AP5Z1: variants seen among roughly 807,000 people sequenced by gnomAD.
AP5Z1 encodes AP-5 complex subunit zeta-1.
Under a neutral mutation model 83.0 loss-of-function variants are expected in AP5Z1, and 106 were observed. The observed-to-expected ratio is 1.28, with a 90% CI of 1.09 to 1.50. The LOEUF is 1.50. AP5Z1 is among the 40% of genes most tolerant of loss of function. The probability of loss-of-function intolerance (pLI) is 0.00; values close to 1 mark genes in which losing one functional copy is unlikely to be tolerated. For synonymous variants in AP5Z1, 751 were observed against 514.1 expected, an observed-to-expected ratio of 1.46 and a Z score of -6.23; for missense variants, 1,565 against 1,094.2, an observed-to-expected ratio of 1.43 and a Z score of -6.07.
Position 4,792,688 on chromosome 7 carries a change from C to CG in AP5Z1, c.*1307dup, listed in dbSNP as rs1562417756. ...CGATGACAGCCCAGGGCCGCTGAGCCGGGGCCGCAGGAAAGGCTGGCGCTG... is the reference window on the plus strand; with the variant it reads ...CGATGACAGCCCAGGGCCGCTGAGCCGGGGGCCGCAGGAAAGGCTGGCGCTG... On this transcript the variant is annotated 3_prime_UTR_variant, in exon 17 of 17. Coordinates refer to ENST00000649063, the MANE Select transcript of AP5Z1 (RefSeq NM_014855.3). The CG allele has an allele frequency of 6.6e-6, 1 of 152,246 alleles. No homozygotes were observed. Among genetic ancestry groups the CG allele is most frequent in the East Asian group, 1.9e-4 (1 of 5,186 alleles). 9.4% of individuals were successfully genotyped at this position (152,246 alleles called of 1,614,324 possible).
Position 4,781,660 on chromosome 7 carries a change from G to A in AP5Z1, c.272G>A (p.Arg91Gln), listed in dbSNP as rs750211507. 44 of 1,605,228 alleles carry A rather than the reference G, an allele frequency of 2.7e-5. No individual in the cohort carries two copies. The highest frequency in any genetic ancestry group is 3.3e-5 in the Non-Finnish European group (39 of 1,173,716). Residue 91 changes from arginine to glutamine, a missense_variant, in exon 3 of 17, where the codon CGA (arginine) becomes CAA (glutamine). Transcript: ENST00000649063. ...CAGGTGCTTTGCGCCGCCATCCTGC[G>A]AGAGATGTCCCCCTCTGACAGCCTC... is the stretch of plus-strand genomic sequence containing the variant. ...QLQVLCAAIL[R>Q]EMSPSDSLSL... is the part of the protein sequence containing the mutation.
intron 7 of AP5Z1, 130 bp from the exon 8 acceptor site, chr7:4,785,285 A>C: frequency 1.3e-5 from 18 of 1,358,802 alleles, no homozygotes; most frequent in Non-Finnish European, 1.8e-5. Flanking sequence ...GTCCCACTCA[A>C]GTCCTCCTGG....
At position 4,791,428 on chromosome 7, in the gene AP5Z1, G is replaced by A. The variant is rs1781769642; in HGVS notation, c.*43G>A. 1.9e-6 allele frequency: 3 copies of A among 1,553,332 alleles called. No individual in the cohort carries two copies. Among genetic ancestry groups the A allele is most frequent in the Admixed American group, 1.9e-5 (1 of 54,008 alleles). On this transcript the variant is annotated 3_prime_UTR_variant, in exon 17 of 17. Coordinates refer to ENST00000649063, the MANE Select transcript of AP5Z1 (RefSeq NM_014855.3). ...ACTTCGGTGCAGATTAAGAGCCTGGGCAGCCAGCTTGCTACTGAGGCCAGG... is the reference window on the plus strand; with the variant it reads ...ACTTCGGTGCAGATTAAGAGCCTGGACAGCCAGCTTGCTACTGAGGCCAGG...
chr7:4,793,111 G>T lies in AP5Z1; in HGVS notation c.*1726G>T, dbSNP rs1399495475. 3 of 152,360 alleles carry T rather than the reference G, an allele frequency of 2.0e-5. No homozygotes were observed. The highest frequency in any genetic ancestry group is 1.3e-4 in the Admixed American group (2 of 15,284). 9.4% of individuals were successfully genotyped at this position (152,360 alleles called of 1,614,324 possible). On this transcript the variant is annotated 3_prime_UTR_variant, in exon 17 of 17. Transcript: ENST00000649063. ...CGGCTTAGGACTGGGAGTGTGACTT[G>T]AAGGGCCGTCCCGCTCATCCAAGGG...
chr7:4,788,668 G>A lies in AP5Z1; in HGVS notation c.1596-172G>A, dbSNP rs965500516. 18 of 591,518 alleles carry A rather than the reference G, an allele frequency of 3.0e-5. No individual in the cohort carries two copies. In the Admixed American group the frequency reaches 3.9e-4, roughly 13 times the overall value. 36.6% of individuals were successfully genotyped at this position (591,518 alleles called of 1,614,324 possible). A position where few individuals can be genotyped will look rare whatever the true frequency, so the allele number is the denominator to read the frequency against. ...TCCCGATGGCTTTACTGTCCCGGGTGTGCTGACGCCAGGGGTCTCCCCAAA... is the reference window on the plus strand; with the variant it reads ...TCCCGATGGCTTTACTGTCCCGGGTATGCTGACGCCAGGGGTCTCCCCAAA... On this transcript the variant is annotated intron_variant, in intron 12 of 16. Transcript: ENST00000649063.
chr7:4,777,365 A>ATTTT (rs1022736237), intron 1 of AP5Z1, among the ~76,000 whole-genome samples: 1 of 151,210 alleles, frequency 6.6e-6, no homozygotes, highest in African/African-American at 2.4e-5. Flanking sequence ...TTATTTATTT[A>ATTTT]TTTATTTATT....
At chr7:4,787,889 C>G (rs1039383046) in intron 11 of AP5Z1, 113 bp downstream of exon 11, 12 of 1,328,032 alleles carry the variant, frequency 9.0e-6, no homozygotes, top group African/African-American at 1.5e-5. Flanking sequence ...TTCTTCCCCC[C>G]CCAACACCTG....
intron 12 of AP5Z1, 83 bp downstream of exon 12, chr7:4,788,377 C>T (rs1781627384): frequency 1.4e-6 from 2 of 1,431,392 alleles, no homozygotes; most frequent in African/African-American, 1.4e-5. Context: ...CTGCTCAGCC[C>T]TAGGCTGAGG....
At chr7:4,780,721 A>G (rs573897090) in intron 1 of AP5Z1, among the ~76,000 whole-genome samples, 7 of 152,182 alleles carry the variant, frequency 4.6e-5, no homozygotes, top group Non-Finnish European at 7.3e-5. Flanking sequence ...AGCCGAGATC[A>G]TGACACTATA....
At chr7:4,788,418 C>T (rs368099311) in intron 12 of AP5Z1, 124 bp downstream of exon 12, 25 of 1,234,986 alleles carry the variant, frequency 2.0e-5, no homozygotes, top group East Asian at 1.1e-4. Context: ...CACAAGGCTG[C>T]GTCCCCGTCA....
chr7:4,792,612 G>C lies in AP5Z1; in HGVS notation c.*1227G>C, dbSNP rs951023462. ...AGCGCTCGCCTGCCCCACAGCCTGG[G>C]CCTTGGGTCGCGTTCCGAGCTCCAG... On this transcript the variant is annotated 3_prime_UTR_variant, in exon 17 of 17. Transcript: ENST00000649063. 6.6e-6 allele frequency: 1 copy of C among 152,226 alleles called. No individual in the cohort carries two copies. Among genetic ancestry groups the C allele is most frequent in the Non-Finnish European group, 1.5e-5 (1 of 68,036 alleles). The allele number at this position is 152,226 out of a possible 1,614,324, so 9.4% of individuals were successfully genotyped here.
chr7:4,778,836 T>C (rs1017831858), intron 1 of AP5Z1, among the ~76,000 whole-genome samples: 12 of 144,480 alleles, frequency 8.3e-5, no homozygotes, highest in Non-Finnish European at 1.5e-4. Context: ...TATATCATTA[T>C]ATATAATATA....
chr7:4,791,726 G>A lies in AP5Z1; in HGVS notation c.*341G>A, dbSNP rs1243892225. 1 of 381,498 alleles carries A rather than the reference G, an allele frequency of 2.6e-6. No homozygotes were observed. The highest frequency in any genetic ancestry group is 4.3e-5 in the East Asian group (1 of 23,334). 23.6% of individuals were successfully genotyped at this position (381,498 alleles called of 1,614,324 possible). A position where few individuals can be genotyped will look rare whatever the true frequency, so the allele number is the denominator to read the frequency against. On this transcript the variant is annotated 3_prime_UTR_variant, in exon 17 of 17. Transcript: ENST00000649063. ...TTTGGACAGTTGATGGGCAAGAAGA[G>A]CTGCAGTAAAAGTAAATCTCCTTTA... is the stretch of plus-strand genomic sequence containing the variant.
Position 4,784,891 on chromosome 7 carries a change from GT to G in AP5Z1, c.791-15del. 1 of 1,604,150 alleles carries G rather than the reference GT, an allele frequency of 6.2e-7. No homozygotes were observed. Among genetic ancestry groups the G allele is most frequent in the South Asian group, 1.1e-5 (1 of 90,350 alleles). On this transcript the variant is annotated splice_polypyrimidine_tract_variant and intron_variant, in intron 6 of 16. Transcript: ENST00000649063. ...GGAGCCACACGTCAGCCTGCTGAGA[GT>G]TCCCACCTCCCGCAGATGACAGGTC...
At position 4,788,235 on chromosome 7, in the gene AP5Z1, G is replaced by C. The variant is rs757364334; in HGVS notation, c.1536G>C (p.Pro512=). Residue 512 remains proline, a synonymous_variant, in exon 12 of 17, where the codon CCG becomes CCC. Coordinates refer to ENST00000649063, the MANE Select transcript of AP5Z1 (RefSeq NM_014855.3). Reference sequence around the variant, plus strand: ...GCTGCCTGGAGGCCTTCCGGGACCCGCAGTTCCAGGGTCTTTTCCAATACC... The same window carrying C: ...GCTGCCTGGAGGCCTTCCGGGACCCCCAGTTCCAGGGTCTTTTCCAATACC... ...APSCLEAFRD[P]QFQGLFQYLL... is the part of the protein sequence containing the mutation. 1 of 1,579,248 alleles carries C rather than the reference G, an allele frequency of 6.3e-7. No homozygotes were observed. Among genetic ancestry groups the C allele is most frequent in the Non-Finnish European group, 8.6e-7 (1 of 1,163,900 alleles).
Position 4,791,501 on chromosome 7 carries a change from GC to G in AP5Z1, c.*119del. 1 of 1,418,394 alleles carries G rather than the reference GC, an allele frequency of 7.1e-7. No individual in the cohort carries two copies. The highest frequency in any genetic ancestry group is 9.4e-7 in the Non-Finnish European group (1 of 1,064,040). The allele number at this position is 1,418,394 out of a possible 1,614,324, so 87.9% of individuals were successfully genotyped here. A position where few individuals can be genotyped will look rare whatever the true frequency, so the allele number is the denominator to read the frequency against. ...CGGGAGTCCTGGGAGAGGAGGCAAGGCCCACGGTGGGCTTGGCACCCTCACA... is the reference window on the plus strand; with the variant it reads ...CGGGAGTCCTGGGAGAGGAGGCAAGGCCACGGTGGGCTTGGCACCCTCACA... On this transcript the variant is annotated 3_prime_UTR_variant, in exon 17 of 17. Coordinates refer to ENST00000649063, the MANE Select transcript of AP5Z1 (RefSeq NM_014855.3).
Position 4,789,867 on chromosome 7 carries a change from G to C in AP5Z1, c.1743G>C (p.Leu581=). ...ADGSLINQLA[L]LLLGRSDSLY... is the part of the protein sequence containing the mutation. ...GGTCCCTGATCAACCAGCTGGCGCT[G>C]CTGCTCCTGGGCAGGAGCGACTCGC... is the stretch of plus-strand genomic sequence containing the variant. Residue 581 remains leucine, a synonymous_variant, in exon 14 of 17, where the codon CTG becomes CTC. Coordinates refer to ENST00000649063, the MANE Select transcript of AP5Z1 (RefSeq NM_014855.3). 6.4e-7 allele frequency: 1 copy of C among 1,553,078 alleles called. No individual in the cohort carries two copies. Among genetic ancestry groups the C allele is most frequent in the East Asian group, 2.4e-5 (1 of 41,096 alleles).
intron 10 of AP5Z1, among the ~76,000 whole-genome samples, chr7:4,786,641 GTGTTT>G: frequency 6.6e-6 from 1 of 152,182 alleles, no homozygotes; most frequent in Non-Finnish European, 1.5e-5. Flanking sequence ...TCCCTTGTGG[GTGTTT>G]TGGAGAGGGG....
intron 2 of AP5Z1, 60 bp from the exon 3 acceptor site, chr7:4,781,508 C>G: frequency 1.3e-6 from 2 of 1,572,172 alleles, no homozygotes; most frequent in Non-Finnish European, 8.7e-7. Flanking sequence ...TCTGGGGCAC[C>G]GGGTGCTCCT....
Sources: allele counts gnomAD v4.1 joint callset (sites outside exome capture counted in the v4.1 genomes callset), GRCh38; gene constraint gnomAD v4.1.1; transcripts MANE v1.5; gene names NCBI Gene and HGNC (gene_info 2026-07-23, HGNC 2026-07-21).